Variants in FAM107B observed in about 807,000 individuals in gnomAD.
FAM107B encodes the protein protein FAM107B.
FAM107B carries 21 observed loss-of-function variants against 31.5 expected under a neutral mutation model. That is an observed-to-expected ratio of 0.67 (90% CI 0.47 to 0.96). FAM107B has a LOEUF of 0.96. FAM107B is among the 40% of genes least tolerant of loss of function. The pLI is 0.00. For missense variants in FAM107B, 452 were observed against 377.1 expected, an observed-to-expected ratio of 1.20 and a Z score of -1.64; for synonymous variants, 157 against 141.5, an observed-to-expected ratio of 1.11 and a Z score of -0.78.
At chr10:14,629,451 T>TATAAC (rs748737696) in intron 2 of FAM107B, among the ~76,000 whole-genome samples, 13,542 of 80,508 alleles carry the variant, frequency 0.17, 2,837 homozygotes, top group East Asian at 0.43. Context: ...ATATATTATA[T>TATAAC]ATATATTATA....
chr10:14,552,700 A>G (rs1849368603), intron 2 of FAM107B, among the ~76,000 whole-genome samples: 1 of 152,090 alleles, frequency 6.6e-6, no homozygotes, highest in Admixed American at 6.5e-5. Flanking sequence ...AGCCAGGCAC[A>G]CACTCGTAAT....
At chr10:14,594,867 A>C (rs545668388) in intron 2 of FAM107B, among the ~76,000 whole-genome samples, 2 of 152,214 alleles carry the variant, frequency 1.3e-5, no homozygotes, top group Non-Finnish European at 2.9e-5. Context: ...TCTCATCTTA[A>C]GGCACATCTC....
At chr10:14,694,232 C>T (rs1025731598) in intron 1 of FAM107B, among the ~76,000 whole-genome samples, 14 of 152,144 alleles carry the variant, frequency 9.2e-5, no homozygotes, top group African/African-American at 3.4e-4. Context: ...GGATATATGT[C>T]TAACAGAGGG....
intron 2 of FAM107B, among the ~76,000 whole-genome samples, chr10:14,634,688 T>C (rs971530644): frequency 1.3e-5 from 2 of 152,140 alleles, no homozygotes; most frequent in African/African-American, 2.4e-5. Flanking sequence ...GGGAGGAGGA[T>C]GGCGTTAGCT....
At chr10:14,640,804 C>T (rs1853608612) in intron 2 of FAM107B, among the ~76,000 whole-genome samples, 1 of 152,146 alleles carries the variant, frequency 6.6e-6, no homozygotes, top group Admixed American at 6.5e-5. Flanking sequence ...GATTCCTGGG[C>T]TAGCATCCAG....
At chr10:14,590,293 C>A (rs1474023403) in intron 2 of FAM107B, among the ~76,000 whole-genome samples, 1 of 152,158 alleles carries the variant, frequency 6.6e-6, no homozygotes, top group Non-Finnish European at 1.5e-5. Flanking sequence ...TTGGTCACAG[C>A]CATGATTTAT....
At chr10:14,572,167 G>T in intron 2 of FAM107B, 1 of 985,268 alleles carries the variant, frequency 1.0e-6, no homozygotes. Context: ...ACCTCATCCG[G>T]CACAGAAGCC....
At chr10:14,657,215 T>G (rs554456647) in intron 2 of FAM107B, among the ~76,000 whole-genome samples, 103 of 152,320 alleles carry the variant, frequency 6.8e-4, no homozygotes, top group Middle Eastern at 3.4e-3. Flanking sequence ...TCTCTGCCCA[T>G]GTAGAGAGGG....
At chr10:14,634,013 GTGC>G (rs1235497027) in intron 2 of FAM107B, among the ~76,000 whole-genome samples, 1 of 152,156 alleles carries the variant, frequency 6.6e-6, no homozygotes, top group Non-Finnish European at 1.5e-5. Context: ...CTTTTCCATA[GTGC>G]TATAAAGTAG....
intron 2 of FAM107B, among the ~76,000 whole-genome samples, chr10:14,576,086 A>G (rs776592462): frequency 3.9e-5 from 6 of 152,188 alleles, no homozygotes; most frequent in Non-Finnish European, 8.8e-5. Context: ...GGGCTGGGAG[A>G]AGGGAATGGG....
Position 14,636,955 on chromosome 10 carries a change from G to A in FAM107B, c.469+30679C>T, listed in dbSNP as rs79268892. On this transcript the variant is annotated intron_variant, in intron 2 of 4. Coordinates refer to ENST00000181796, the MANE Select transcript of FAM107B (RefSeq NM_031453.4). Reference sequence around the variant, plus strand: ...CCATTTGTTTTTGCCAGATGTCCTGGAGGATTTACTGATCTAGGATGTTTT... The same window carrying A: ...CCATTTGTTTTTGCCAGATGTCCTGAAGGATTTACTGATCTAGGATGTTTT... Among the ~76,000 whole-genome samples the A allele has an allele frequency of 7.5e-3, 1,141 of 152,166 alleles. 8 individuals are homozygous for A. Among genetic ancestry groups the A allele is most frequent in the Non-Finnish European group, 0.013 (873 of 67,986 alleles).
chr10:14,627,189 T>G (rs534172600), intron 2 of FAM107B, among the ~76,000 whole-genome samples: 1 of 152,332 alleles, frequency 6.6e-6, no homozygotes, highest in South Asian at 2.1e-4. Context: ...ATTGTGGTCA[T>G]AAGATTAAAA....
chr10:14,764,365 A>G (rs112564044), intron 1 of FAM107B, among the ~76,000 whole-genome samples: 1 of 152,174 alleles, frequency 6.6e-6, no homozygotes, highest in South Asian at 2.1e-4. Context: ...AATCCTGCCT[A>G]TGTGCTTAGG....
intron 2 of FAM107B, among the ~76,000 whole-genome samples, chr10:14,658,282 G>A (rs1201180683): frequency 6.6e-6 from 1 of 152,170 alleles, no homozygotes; most frequent in Non-Finnish European, 1.5e-5. Context: ...ACAACCCCCA[G>A]GAGCATTTCC....
rs569166385 is a variant in FAM107B, at chr10:14,548,248, G to C, written c.470-17733C>G. Among the ~76,000 whole-genome samples the C allele has an allele frequency of 1.0e-3, 157 of 152,268 alleles. 1 individual carries two copies. The highest frequency in any genetic ancestry group is 3.4e-3 in the African/African-American group (140 of 41,544). ...CAGGAGCTCCCTGCCTGGAGGAGAA[G>C]AGAGCAGACGCGACAGACGCACCCG... On this transcript the variant is annotated intron_variant, in intron 2 of 4. Coordinates refer to ENST00000181796, the MANE Select transcript of FAM107B (RefSeq NM_031453.4).
intron 2 of FAM107B, among the ~76,000 whole-genome samples, chr10:14,648,370 T>C (rs78338427): frequency 0.056 from 8,514 of 152,326 alleles, 356 homozygotes; most frequent in East Asian, 0.24. Context: ...GGAGAAGTAC[T>C]GAGTGCTAAG....
intron 1 of FAM107B, among the ~76,000 whole-genome samples, chr10:14,758,315 T>G (rs1340925608): frequency 6.6e-6 from 1 of 152,180 alleles, no homozygotes; most frequent in Non-Finnish European, 1.5e-5. Context: ...TGATGCTGAC[T>G]AGGATATTTC....
chr10:14,518,575 T>C lies in FAM107B; in HGVS notation c.*2615A>G, dbSNP rs1845339760. The C allele has an allele frequency of 6.5e-6, 1 of 152,792 alleles. No individual in the cohort carries two copies. The allele number at this position is 152,792 out of a possible 1,614,324, so 9.5% of individuals were successfully genotyped here. A position where few individuals can be genotyped will look rare whatever the true frequency, so the allele number is the denominator to read the frequency against. On this transcript the variant is annotated 3_prime_UTR_variant, in exon 5 of 5. Coordinates refer to ENST00000181796, the MANE Select transcript of FAM107B (RefSeq NM_031453.4). Reference sequence around the variant, plus strand: ...AACATGGTTGCATGGTCCAAGCATGTGGTGATTTTTATTAAGAATAACTTT... The same window carrying C: ...AACATGGTTGCATGGTCCAAGCATGCGGTGATTTTTATTAAGAATAACTTT...
chr10:14,751,264 C>T (rs1020409532), intron 1 of FAM107B, among the ~76,000 whole-genome samples: 3 of 152,182 alleles, frequency 2.0e-5, no homozygotes, highest in East Asian at 1.9e-4. Flanking sequence ...ATTATTAAAA[C>T]GAGAGGACGT....
Sources: gnomAD v4.1 joint callset for allele counts (sites outside exome capture counted in the v4.1 genomes callset) on GRCh38, gnomAD v4.1.1 for gene constraint, MANE v1.5 for transcripts, NCBI Gene and HGNC (gene_info 2026-07-23, HGNC 2026-07-21) for gene names.